The following CDH18 variants were observed in gnomAD, a reference collection of about 807,000 sequenced individuals.
CDH18 encodes cadherin-18.
In CDH18, 31 loss-of-function variants were observed where a neutral mutation model predicts 67.9. That is an observed-to-expected ratio of 0.46 (90% CI 0.34 to 0.62). The LOEUF (loss-of-function observed/expected upper bound fraction) is 0.62. CDH18 is among the 20% of genes least tolerant of loss of function. The pLI, the probability that CDH18 is intolerant of heterozygous loss-of-function variation, is 0.01. For synonymous variants in CDH18, 362 were observed against 347.2 expected (o/e 1.04, Z -0.48); for missense variants, 890 against 975.5 (o/e 0.91, Z 1.17).
At chr5:20,022,730 G>A (rs1270441621) in intron 2 of CDH18, among the ~76,000 whole-genome samples, 1 of 152,050 alleles carries the variant, frequency 6.6e-6, no homozygotes, top group Non-Finnish European at 1.5e-5. Flanking sequence ...TGTACCATAG[G>A]TAATTTAACT....
At chr5:19,502,147 A>G (rs908651596) in intron 11 of CDH18, among the ~76,000 whole-genome samples, 2 of 152,206 alleles carry the variant, frequency 1.3e-5, no homozygotes, top group Non-Finnish European at 2.9e-5. Context: ...TTCTCCCGGA[A>G]GTGAAGAGAA....
chr5:19,866,807 CT>C lies in CDH18; in HGVS notation c.-256-27566del. 5.3e-5 allele frequency among the ~76,000 whole-genome samples: 8 copies of C among 152,186 alleles called. 2 individuals carry two copies. Among genetic ancestry groups the C allele is most frequent in the Admixed American group, 5.2e-4 (8 of 15,280 alleles). On this transcript the variant is annotated intron_variant, in intron 2 of 12. Transcript: ENST00000382275. ...AGTTAGGGCATTAAAAAAATGCACT[CT>C]TGGCTGGGCGTGGTGGCTCACACCT...
chr5:20,265,171 A>G (rs1744937366), intron 1 of CDH18, among the ~76,000 whole-genome samples: 1 of 152,086 alleles, frequency 6.6e-6, no homozygotes, highest in African/African-American at 2.4e-5. Flanking sequence ...TTCCTCCCTA[A>G]TATTTATGTC....
At chr5:20,324,439 G>A (rs1053977668) in intron 1 of CDH18, among the ~76,000 whole-genome samples, 5 of 152,160 alleles carry the variant, frequency 3.3e-5, no homozygotes, top group African/African-American at 1.2e-4. Flanking sequence ...TACTCGGGAA[G>A]CTGAGGCAGG....
intron 3 of CDH18, among the ~76,000 whole-genome samples, chr5:19,833,981 TTTG>T (rs1386509233): frequency 4.6e-5 from 7 of 151,856 alleles, no homozygotes; most frequent in African/African-American, 1.4e-4. Context: ...TGAAGATTTT[TTTG>T]TTGTTGTGTC....
chr5:20,018,023 T>G (rs774541651), intron 2 of CDH18, among the ~76,000 whole-genome samples: 1 of 152,166 alleles, frequency 6.6e-6, no homozygotes, highest in Non-Finnish European at 1.5e-5. Flanking sequence ...AAAACTAATA[T>G]TAGTTGTTAT....
intron 8 of CDH18, among the ~76,000 whole-genome samples, chr5:19,560,233 T>C (rs1337945563): frequency 2.6e-5 from 4 of 152,096 alleles, no homozygotes; most frequent in African/African-American, 7.2e-5. Flanking sequence ...GAACAAATTC[T>C]GGAGGCATCA....
intron 1 of CDH18, among the ~76,000 whole-genome samples, chr5:20,334,131 C>CTTTTT (rs34609844): frequency 3.7e-5 from 3 of 81,652 alleles, no homozygotes; most frequent in African/African-American, 5.2e-5. Flanking sequence ...GACTTGAATT[C>CTTTTT]TTTTTTTTTT....
Position 19,721,473 on chromosome 5 carries a change from A to G in CDH18, c.524-7T>C, listed in dbSNP as rs758750380. ...ACCTGTAGAACAGAGGTACCTGTGC[A>G]TTCAGGAAAACAAATTTTAGTGTGT... On this transcript the variant is annotated splice_region_variant and splice_polypyrimidine_tract_variant and intron_variant, in intron 4 of 12. Transcript: ENST00000382275. 4 of 1,602,850 alleles carry G rather than the reference A, an allele frequency of 2.5e-6. No individual in the cohort carries two copies. In the South Asian group the frequency reaches 4.4e-5, roughly 18 times the overall value.
At chr5:20,305,562 C>A (rs1736353988) in intron 1 of CDH18, 2 of 653,806 alleles carry the variant, frequency 3.1e-6, no homozygotes, top group South Asian at 1.7e-5. Flanking sequence ...GGGCTGAGGG[C>A]GCTCGGCCGC....
intron 1 of CDH18, among the ~76,000 whole-genome samples, chr5:20,405,017 A>C (rs1746104999): frequency 6.6e-6 from 1 of 152,176 alleles, no homozygotes; most frequent in Non-Finnish European, 1.5e-5. Context: ...TAAATAAATT[A>C]TGTTAATTTA....
intron 12 of CDH18, among the ~76,000 whole-genome samples, chr5:19,474,562 G>A (rs907859887): frequency 2.6e-5 from 4 of 151,988 alleles, no homozygotes; most frequent in East Asian, 1.9e-4. Flanking sequence ...AGGCATAAAT[G>A]AGAATGAGGA....
At chr5:19,871,780 C>T (rs1373714874) in intron 2 of CDH18, among the ~76,000 whole-genome samples, 1 of 152,082 alleles carries the variant, frequency 6.6e-6, no homozygotes, top group Non-Finnish European at 1.5e-5. Context: ...TTTTATAGAA[C>T]AGGCCTGAAT....
chr5:20,158,238 A>C (rs1351227625), intron 2 of CDH18, among the ~76,000 whole-genome samples: 1 of 152,178 alleles, frequency 6.6e-6, no homozygotes, highest in Non-Finnish European at 1.5e-5. Context: ...TTATGTCAGG[A>C]GGTTAGAACA....
chr5:20,220,171 T>G (rs1299153281), intron 2 of CDH18, among the ~76,000 whole-genome samples: 6 of 151,912 alleles, frequency 3.9e-5, no homozygotes, highest in Non-Finnish European at 8.8e-5. Context: ...CCAAAGCTAT[T>G]CTGAGCAAAA....
At chr5:20,131,225 C>CA (rs1448047854) in intron 2 of CDH18, among the ~76,000 whole-genome samples, 3 of 151,664 alleles carry the variant, frequency 2.0e-5, no homozygotes, top group Middle Eastern at 3.5e-3. Context: ...CAAAACAAAA[C>CA]AAAAAAACAG....
upstream of CDH18, among the ~76,000 whole-genome samples, chr5:19,988,913 G>A (rs1799814422): frequency 6.6e-6 from 1 of 152,118 alleles, no homozygotes; most frequent in Admixed American, 6.5e-5. Context: ...ATTTATATTT[G>A]TGAAGACGAA....
intron 2 of CDH18, among the ~76,000 whole-genome samples, chr5:19,914,368 A>G (rs1414597882): frequency 1.3e-5 from 2 of 152,118 alleles, no homozygotes; most frequent in East Asian, 3.9e-4. Flanking sequence ...CTATACTCCC[A>G]GTAAAAGAAA....
At chr5:20,453,158 A>G (rs1024552490) in intron 1 of CDH18, among the ~76,000 whole-genome samples, 2 of 152,126 alleles carry the variant, frequency 1.3e-5, no homozygotes, top group Non-Finnish European at 2.9e-5. Flanking sequence ...TATACCATTC[A>G]TGTGGAAGGC....
Sources: allele counts gnomAD v4.1 joint callset (sites outside exome capture counted in the v4.1 genomes callset), GRCh38; gene constraint gnomAD v4.1.1; transcripts MANE v1.5; gene names NCBI Gene and HGNC (gene_info 2026-07-23, HGNC 2026-07-21).